ABCC4: variants seen among roughly 807,000 people sequenced by gnomAD.
The protein encoded by ABCC4 is ATP binding cassette subfamily C member 4 (PEL blood group), also known as ATP-binding cassette sub-family C member 4.
Under a neutral mutation model 168.5 loss-of-function variants are expected in ABCC4, and 102 were observed. The ratio of observed to expected loss-of-function variants is 0.61; its 90% confidence interval spans 0.52 to 0.71. The LOEUF (loss-of-function observed/expected upper bound fraction) is 0.71, where lower values mean the gene tolerates loss of function less well. ABCC4 is among the 30% of genes least tolerant of loss of function. The pLI, the probability that ABCC4 is intolerant of heterozygous loss-of-function variation, is 0.00. For missense variants in ABCC4, 1,402 were observed against 1,605.8 expected (o/e 0.87, Z 2.17); for synonymous variants, 617 against 590.7 (o/e 1.04, Z -0.65).
At chr13:95,243,544 C>T (rs888535931) in intron 3 of ABCC4, among the ~76,000 whole-genome samples, 2 of 152,092 alleles carry the variant, frequency 1.3e-5, no homozygotes, top group South Asian at 2.1e-4. Context: ...CAGGGCTGCA[C>T]GCCTCACACA....
At chr13:95,117,126 T>C (rs2035405110) in intron 19 of ABCC4, among the ~76,000 whole-genome samples, 1 of 152,118 alleles carries the variant, frequency 6.6e-6, no homozygotes, top group African/African-American at 2.4e-5. Flanking sequence ...TGTCTCAGGC[T>C]TCGGACACAC....
At chr13:95,061,592 G>GTT in intron 26 of ABCC4, among the ~76,000 whole-genome samples, 2 of 95,810 alleles carry the variant, frequency 2.1e-5, no homozygotes, top group African/African-American at 8.5e-5. Context: ...CAGAATATGT[G>GTT]TTTGTGTGTG....
chr13:95,102,909 C>A lies in ABCC4; in HGVS notation c.2535+13013G>T, dbSNP rs551337420. Among the ~76,000 whole-genome samples the A allele has an allele frequency of 4.4e-4, 66 of 149,426 alleles. No individual in the cohort carries two copies. The Middle Eastern group carries it at 0.014, about 32-fold the overall frequency. ...GTGCTGGGATTACAGGTGTGAACTA[C>A]CACACCTGGCCCAGTCACATCTAAT... On this transcript the variant is annotated intron_variant, in intron 20 of 30. Coordinates refer to ENST00000645237, the MANE Select transcript of ABCC4 (RefSeq NM_005845.5).
At chr13:95,141,249 G>A (rs3852617) in intron 19 of ABCC4, among the ~76,000 whole-genome samples, 6,768 of 152,266 alleles carry the variant, frequency 0.044, 218 homozygotes, top group Middle Eastern at 0.13. Context: ...CAGGCTGAAG[G>A]GGTCAAGATA....
intron 19 of ABCC4, among the ~76,000 whole-genome samples, chr13:95,140,953 T>C (rs897662870): frequency 6.6e-6 from 1 of 152,256 alleles, no homozygotes; most frequent in Non-Finnish European, 1.5e-5. Flanking sequence ...TTGCAGACCA[T>C]GACCTTAACT....
intron 3 of ABCC4, among the ~76,000 whole-genome samples, chr13:95,241,549 G>A (rs902483804): frequency 2.0e-5 from 3 of 152,066 alleles, no homozygotes; most frequent in Admixed American, 2.0e-4. Flanking sequence ...GGCTCTAAGT[G>A]GGTGGATACT....
intron 19 of ABCC4, among the ~76,000 whole-genome samples, chr13:95,149,114 T>C (rs913653041): frequency 6.6e-6 from 1 of 152,224 alleles, no homozygotes; most frequent in African/African-American, 2.4e-5. Flanking sequence ...AAACTGCTGA[T>C]GGCTGGATTA....
intron 27 of ABCC4, 42 bp from the exon 28 acceptor site, chr13:95,044,480 G>T: frequency 1.9e-6 from 3 of 1,550,080 alleles, no homozygotes; most frequent in Non-Finnish European, 2.6e-6. Flanking sequence ...CATTCAAGCC[G>T]CTATGGAAGT....
intron 11 of ABCC4, among the ~76,000 whole-genome samples, chr13:95,182,732 A>G (rs2037937068): frequency 6.6e-6 from 1 of 152,216 alleles, no homozygotes; most frequent in South Asian, 2.1e-4. Context: ...TCAGACGATT[A>G]GCTAAAATCA....
rs2032766739 is a variant in ABCC4, at chr13:95,050,140, A to T, written c.3456+2955T>A. Among the ~76,000 whole-genome samples the T allele has an allele frequency of 3.3e-5, 5 of 152,226 alleles. No homozygotes were observed. In the South Asian group the frequency reaches 1.0e-3, roughly 32 times the overall value. On this transcript the variant is annotated intron_variant, in intron 27 of 30. Transcript: ENST00000645237. ...GAATGGCACCAGAGTCGTGGTGCTG[A>T]ATCCCTTGTGTGGTATCTCTCAAGA...
intron 13 of ABCC4, among the ~76,000 whole-genome samples, chr13:95,176,191 C>T (rs1029156003): frequency 1.5e-5 from 2 of 130,642 alleles, no homozygotes; most frequent in Admixed American, 9.8e-5. Context: ...GGGGCTCACA[C>T]CTGTAATCTC....
chr13:95,036,217 A>G (rs574438707), intron 29 of ABCC4, among the ~76,000 whole-genome samples: 1 of 152,378 alleles, frequency 6.6e-6, no homozygotes, highest in African/African-American at 2.4e-5. Context: ...TAAGTAAATA[A>G]GTGAACCAAA....
intron 1 of ABCC4, among the ~76,000 whole-genome samples, chr13:95,262,696 G>A (rs958048776): frequency 3.3e-5 from 5 of 150,882 alleles, no homozygotes; most frequent in African/African-American, 4.9e-5. Context: ...GCTGTGGTGC[G>A]ATCTCGGCTC....
intron 4 of ABCC4, among the ~76,000 whole-genome samples, chr13:95,223,605 G>A (rs1433235834): frequency 2.0e-5 from 3 of 152,222 alleles, no homozygotes; most frequent in South Asian, 2.1e-4. Flanking sequence ...GGGTTCAAGC[G>A]ATTCTCCTGC....
intron 19 of ABCC4, among the ~76,000 whole-genome samples, chr13:95,120,118 C>T (rs2035513095): frequency 1.2e-5 from 1 of 80,838 alleles, no homozygotes; most frequent in African/African-American, 6.0e-5. Context: ...CCTGGTAAGC[C>T]CATTCTGTAC....
chr13:95,073,960 C>G (rs1198063016), intron 23 of ABCC4, among the ~76,000 whole-genome samples: 1 of 152,146 alleles, frequency 6.6e-6, no homozygotes, highest in Non-Finnish European at 1.5e-5. Context: ...CAGACACTAA[C>G]AGGAATGTTC....
intron 1 of ABCC4, among the ~76,000 whole-genome samples, chr13:95,270,452 T>C (rs1192657602): frequency 6.6e-6 from 1 of 152,108 alleles, no homozygotes; most frequent in Admixed American, 6.5e-5. Context: ...ATCCATTCCT[T>C]GGCCCATTTG....
At chr13:95,218,687 A>C (rs1001283630) in intron 4 of ABCC4, among the ~76,000 whole-genome samples, 1 of 151,634 alleles carries the variant, frequency 6.6e-6, no homozygotes, top group Admixed American at 6.6e-5. Flanking sequence ...TCCTGTCTAC[A>C]AAAAAATTTA....
intron 19 of ABCC4, among the ~76,000 whole-genome samples, chr13:95,127,039 C>T (rs1355818084): frequency 6.6e-6 from 1 of 151,598 alleles, no homozygotes; most frequent in East Asian, 1.9e-4. Context: ...GTTTAAGATA[C>T]ACATTACCTC....
Sources: gnomAD v4.1 joint callset for allele counts (sites outside exome capture counted in the v4.1 genomes callset) on GRCh38, gnomAD v4.1.1 for gene constraint, MANE v1.5 for transcripts, NCBI Gene and HGNC (gene_info 2026-07-23, HGNC 2026-07-21) for gene names.